Variants in PPP4R3A observed in about 807,000 individuals in gnomAD.
The protein encoded by PPP4R3A is serine/threonine-protein phosphatase 4 regulatory subunit 3A.
Under a neutral mutation model 91.7 loss-of-function variants are expected in PPP4R3A, and 15 were observed. The ratio of observed to expected loss-of-function variants is 0.16; its 90% CI spans 0.11 to 0.25. PPP4R3A has a LOEUF of 0.25. Ranked by LOEUF, PPP4R3A falls within the 10% of genes least tolerant of loss-of-function variation. The pLI is 1.00. For missense variants in PPP4R3A, 623 were observed against 998.4 expected, an observed-to-expected ratio of 0.62 and a Z score of 5.07; for synonymous variants, 377 against 348.7, an observed-to-expected ratio of 1.08 and a Z score of -0.91.
chr14:91,471,967 G>A (rs1438098456), intron 9 of PPP4R3A, among the ~76,000 whole-genome samples: 3 of 150,858 alleles, frequency 2.0e-5, no homozygotes, highest in Non-Finnish European at 4.4e-5. Context: ...CAGAAGGCTG[G>A]GGCAGGAGAA....
chr14:91,495,692 A>AG (rs1415781036), intron 1 of PPP4R3A, among the ~76,000 whole-genome samples: 4 of 129,286 alleles, frequency 3.1e-5, no homozygotes, highest in Non-Finnish European at 5.4e-5. Flanking sequence ...AAATACTGTT[A>AG]AAAAAAAAAC....
At position 91,490,503 on chromosome 14, in the gene PPP4R3A, G is replaced by A. The variant is rs1346297857; in HGVS notation, c.198+244C>T. On this transcript the variant is annotated intron_variant, in intron 2 of 14. Coordinates refer to ENST00000554943, the MANE Select transcript of PPP4R3A (RefSeq NM_001366432.2). ...CCTTTTTTTTTTAGGTAAAAACAAG[G>A]AAATTTTAGGGCTCAGTTGCTATAG... Among the ~76,000 whole-genome samples the A allele has an allele frequency of 2.0e-5, 3 of 152,024 alleles. No individual in the cohort carries two copies. The East Asian group carries it at 5.8e-4, about 29-fold the overall frequency.
intron 4 of PPP4R3A, among the ~76,000 whole-genome samples, chr14:91,480,679 T>C (rs189407593): frequency 7.5e-4 from 114 of 152,322 alleles, no homozygotes; most frequent in African/African-American, 2.7e-3. Context: ...CAATCTGTTC[T>C]ATTCTATGCA....
At chr14:91,473,521 T>C (rs1169304993) in intron 7 of PPP4R3A, 151 bp from the exon 8 acceptor site, 4 of 814,860 alleles carry the variant, frequency 4.9e-6, no homozygotes, top group Admixed American at 3.2e-5. Flanking sequence ...TGACAGGACA[T>C]ATGACAGTGT....
In PPP4R3A at chr14:91,470,928, A is replaced by G. The variant is rs866846698; in HGVS notation, c.1569T>C (p.His523=). 6.2e-7 allele frequency: 1 copy of G among 1,611,824 alleles called. No individual in the cohort carries two copies. Among genetic ancestry groups the G allele is most frequent in the African/African-American group, 1.3e-5 (1 of 75,002 alleles). ...LELLTFCVEH[H]TYHIKNYIIN... ...TAATGTAGTTCTTTATGTGGTAGGT[A>G]TGGTGCTCCACACAAAATGTTAACA... Residue 523 remains histidine, a synonymous_variant, in exon 10 of 15, where the codon CAT becomes CAC. Transcript: ENST00000554943.
chr14:91,508,181 A>G (rs1891532185), intron 1 of PPP4R3A, among the ~76,000 whole-genome samples: 1 of 152,194 alleles, frequency 6.6e-6, no homozygotes, highest in Non-Finnish European at 1.5e-5. Flanking sequence ...AAATACACCC[A>G]ACATTCAAAA....
At chr14:91,461,324 T>C in intron 14 of PPP4R3A, 57 bp downstream of exon 14, 2 of 1,495,570 alleles carry the variant, frequency 1.3e-6, no homozygotes, top group Non-Finnish European at 9.3e-7. Context: ...GTCAAAATTA[T>C]TGTTGAGAAA....
intron 3 of PPP4R3A, 111 bp from the exon 4 acceptor site, chr14:91,482,304 T>G: frequency 2.6e-6 from 3 of 1,163,146 alleles, no homozygotes; most frequent in Non-Finnish European, 3.5e-6. Flanking sequence ...TAATGGTCAT[T>G]TTCAAGACAA....
intron 14 of PPP4R3A, among the ~76,000 whole-genome samples, chr14:91,459,214 C>T (rs537694806): frequency 6.6e-6 from 1 of 152,150 alleles, no homozygotes; most frequent in Admixed American, 6.5e-5. Flanking sequence ...AAGCAATTCT[C>T]CCTGCCTCAG....
At chr14:91,470,705 A>C (rs1414268934) in intron 10 of PPP4R3A, 132 bp downstream of exon 10, 2 of 981,174 alleles carry the variant, frequency 2.0e-6, no homozygotes, top group African/African-American at 1.7e-5. Flanking sequence ...AAACCTGCAT[A>C]ATCAGTGGCA....
Position 91,458,636 on chromosome 14 carries a change from TA to T in PPP4R3A, c.*122del, listed in dbSNP as rs767976681. On this transcript the variant is annotated 3_prime_UTR_variant, in exon 15 of 15. Transcript: ENST00000554943. ...GCACTTGATGAGCAGAAGTCAAGTG[TA>T]AGAGGCTGATCTGTGTCAGTCATTC... 2.9e-6 allele frequency: 4 copies of T among 1,393,722 alleles called. No homozygotes were observed. The Admixed American group carries it at 6.7e-5, about 23-fold the overall frequency. The allele number at this position is 1,393,722 out of a possible 1,614,324, so 86.3% of individuals were successfully genotyped here.
chr14:91,507,352 TATATAG>T (rs1891367454), intron 1 of PPP4R3A, among the ~76,000 whole-genome samples: 1 of 91,928 alleles, frequency 1.1e-5, no homozygotes, highest in East Asian at 2.8e-4. Context: ...TTATATATAC[TATATAG>T]TATATATACT....
intron 1 of PPP4R3A, among the ~76,000 whole-genome samples, chr14:91,504,055 C>G (rs567096367): frequency 2.0e-5 from 3 of 151,954 alleles, no homozygotes; most frequent in Non-Finnish European, 4.4e-5. Context: ...CAGTGAGAAC[C>G]TTTGAAAAAA....
chr14:91,491,153 A>G (rs867654631), intron 1 of PPP4R3A, among the ~76,000 whole-genome samples: 10 of 152,068 alleles, frequency 6.6e-5, no homozygotes, highest in Middle Eastern at 6.8e-3. Context: ...GTGATCCACC[A>G]GCCTCGGCCT....
intron 1 of PPP4R3A, among the ~76,000 whole-genome samples, chr14:91,498,799 A>G (rs1255574753): frequency 2.0e-5 from 3 of 151,952 alleles, no homozygotes; most frequent in Non-Finnish European, 2.9e-5. Context: ...CTGTAGTCCC[A>G]GCCACTCGGG....
At chr14:91,475,626 A>G in intron 7 of PPP4R3A, 185 bp downstream of exon 7, 1 of 501,834 alleles carries the variant, frequency 2.0e-6, no homozygotes, top group Non-Finnish European at 3.4e-6. Flanking sequence ...TTAAATGAAC[A>G]TAAATAGTTG....
rs1235038167 is a variant in PPP4R3A at position 91,457,791 on chromosome 14, C to CTAT, written c.*965_*967dup. ...AACTGTTGAAGTTTTAAATTCCATTCTATTTCCCTGAATTCTCAAGACAGT... is the reference window on the plus strand; with the variant it reads ...AACTGTTGAAGTTTTAAATTCCATTCTATTATTTCCCTGAATTCTCAAGACAGT... On this transcript the variant is annotated 3_prime_UTR_variant, in exon 15 of 15. Transcript: ENST00000554943. 1 of 152,572 alleles carries CTAT rather than the reference C, an allele frequency of 6.6e-6. No homozygotes were observed. The highest frequency in any genetic ancestry group is 1.5e-5 in the Non-Finnish European group (1 of 68,018). 9.5% of individuals were successfully genotyped at this position (152,572 alleles called of 1,614,324 possible).
chr14:91,479,084 G>A (rs926444895), intron 4 of PPP4R3A, among the ~76,000 whole-genome samples: 7 of 152,102 alleles, frequency 4.6e-5, no homozygotes, highest in African/African-American at 1.4e-4. Flanking sequence ...CTGGATTCAA[G>A]CGATTCTCCT....
intron 4 of PPP4R3A, among the ~76,000 whole-genome samples, chr14:91,479,261 C>T (rs1241508306): frequency 6.6e-6 from 1 of 151,450 alleles, no homozygotes; most frequent in Non-Finnish European, 1.5e-5. Context: ...ATTATTCTTA[C>T]AATACCACAG....
Sources: allele counts gnomAD v4.1 joint callset (sites outside exome capture counted in the v4.1 genomes callset), GRCh38; gene constraint gnomAD v4.1.1; transcripts MANE v1.5; gene names NCBI Gene and HGNC (gene_info 2026-07-23, HGNC 2026-07-21).